The following NOX1 variants were observed in gnomAD, a reference collection of about 807,000 sequenced individuals.
The protein encoded by NOX1 is NADH/NADPH mitogenic oxidase subunit P65-MOX.
In NOX1, 34 loss-of-function variants were observed where a neutral mutation model predicts 42.5. The observed-to-expected ratio is 0.80, with a 90% CI of 0.61 to 1.07. The LOEUF is 1.07. Ranked by LOEUF, NOX1 falls within the 50% of genes least tolerant of loss-of-function variation. NOX1 has a pLI of 0.00. For missense variants in NOX1, 408 were observed against 427.0 expected (o/e 0.96, Z 0.39); for synonymous variants, 143 against 152.5 (o/e 0.94, Z 0.46).
intron 8 of NOX1, among the ~76,000 whole-genome samples, chrX:100,850,951 C>T (rs36075537): frequency 0.014 from 1,604 of 111,089 alleles, 28 homozygotes; most frequent in African/African-American, 0.049. Context: ...GCGATTCTCC[C>T]GCCTCAGCCT....
chrX:100,868,730 A>C (rs775351026), intron 2 of NOX1, among the ~76,000 whole-genome samples: 37 of 111,666 alleles, frequency 3.3e-4, no homozygotes, highest in African/African-American at 1.2e-3. Flanking sequence ...TTTTAAAAAA[A>C]AACCAAACTC....
chrX:100,856,423 G>A, intron 7 of NOX1: 1 of 468,207 alleles, frequency 2.1e-6, no homozygotes, highest in Non-Finnish European at 3.8e-6. Context: ...TTCTTCAGTG[G>A]CGTACACGGG....
At chrX:100,852,003 T>C (rs752421187) in intron 7 of NOX1, among the ~76,000 whole-genome samples, 2 of 111,754 alleles carry the variant, frequency 1.8e-5, no homozygotes, top group Non-Finnish European at 3.8e-5. Flanking sequence ...ACAGAGAAAG[T>C]AGATGTGAAA....
At chrX:100,857,284 A>G (rs2085173800) in intron 7 of NOX1, among the ~76,000 whole-genome samples, 1 of 111,843 alleles carries the variant, frequency 8.9e-6, no homozygotes, top group Non-Finnish European at 1.9e-5. Flanking sequence ...TCTACCATTG[A>G]TGGGCATTTA....
intron 2 of NOX1, among the ~76,000 whole-genome samples, chrX:100,868,914 G>C (rs2147920705): frequency 9.0e-6 from 1 of 110,722 alleles, no homozygotes; most frequent in Admixed American, 9.6e-5. Flanking sequence ...TTATTAAATA[G>C]GGAATCCTTT....
chrX:100,854,307 A>G (rs1183724749), intron 7 of NOX1, among the ~76,000 whole-genome samples: 1 of 111,923 alleles, frequency 8.9e-6, no homozygotes. Context: ...TAATTTTTAA[A>G]TGGGGTGAAT....
At position 100,849,779 on chromosome X, in the gene NOX1, G is replaced by T. The variant is rs1233203797; in HGVS notation, c.1289C>A (p.Thr430Lys). The T allele has an allele frequency of 2.1e-5, 25 of 1,197,357 alleles. No homozygotes were observed. In the Admixed American group the frequency reaches 2.8e-4, roughly 14 times the overall value. Reference sequence around the variant, plus strand: ...TGATATACGGGATTATACCTTTTTTGTTTTGAGGTTGTGGTCTGCACACTG... The same window carrying T: ...TGATATACGGGATTATACCTTTTTTTTTTTGAGGTTGTGGTCTGCACACTG... ...KFQCADHNLK[T>K]KKIYFYWICR... The change falls in exon 10 of 13, where the codon ACA (threonine) becomes AAA (lysine). Residue 430 changes from threonine to lysine, a missense_variant. Thr to Lys is a moderately conservative substitution (Grantham distance 78, BLOSUM62 -1). Coordinates refer to ENST00000372966, the MANE Select transcript of NOX1 (RefSeq NM_007052.5).
chrX:100,862,066 G>C, intron 7 of NOX1, 105 bp downstream of exon 7: 1 of 939,756 alleles, frequency 1.1e-6, no homozygotes. Context: ...ACCCAGCACA[G>C]GACTGAACTA....
At chrX:100,848,937 A>T (rs371767690) in intron 11 of NOX1, among the ~76,000 whole-genome samples, 183 bp from the exon 12 acceptor site, 1 of 111,857 alleles carries the variant, frequency 8.9e-6, no homozygotes, top group Non-Finnish European at 1.9e-5. Flanking sequence ...TTAGCTGGGC[A>T]TGGTGGCGCA....
intron 7 of NOX1, among the ~76,000 whole-genome samples, chrX:100,853,298 C>CTTTCTTTCTTTCTTTCT (rs2085135318): frequency 1.5e-5 from 1 of 66,763 alleles, no homozygotes; most frequent in African/African-American, 6.5e-5. Flanking sequence ...TTCTTTCTTT[C>CTTTCTTTCTTTCTTTCT]TTTCTTTCTT....
chrX:100,847,126 T>A (rs2085079075), intron 12 of NOX1, among the ~76,000 whole-genome samples: 1 of 110,805 alleles, frequency 9.0e-6, no homozygotes, highest in Non-Finnish European at 1.9e-5. Flanking sequence ...GAGGCGGAGG[T>A]TGCAGTGAGC....
Position 100,870,824 on chromosome X carries a change from G to GA in NOX1, c.46-11dup, listed in dbSNP as rs200177555. ...GCCCTAACCAAACAACCTAGAGAAA[G>GA]AAAAAAAAACATGCAAAGAATAAAG... is the stretch of plus-strand genomic sequence containing the variant. On this transcript the variant is annotated splice_polypyrimidine_tract_variant and intron_variant, in intron 1 of 12. Coordinates refer to ENST00000372966, the MANE Select transcript of NOX1 (RefSeq NM_007052.5). The GA allele has an allele frequency of 3.3e-3, 3,406 of 1,024,829 alleles. 8 individuals carry two copies. Among genetic ancestry groups the GA allele is most frequent in the African/African-American group, 0.02 (1,048 of 51,412 alleles). 84.5% of individuals were successfully genotyped at this position (1,024,829 alleles called of 1,213,427 possible). A position where few individuals can be genotyped will look rare whatever the true frequency, so the allele number is the denominator to read the frequency against.
chrX:100,846,703 T>C (rs770586881), intron 12 of NOX1, among the ~76,000 whole-genome samples: 2 of 112,606 alleles, frequency 1.8e-5, no homozygotes, highest in East Asian at 5.6e-4. Context: ...AACATGATAA[T>C]TAGCATCTTT....
rs752120286 is a variant in NOX1 at position 100,851,184 on chromosome X, G to A, written c.897+49C>T. 6 of 796,993 alleles carry A rather than the reference G, an allele frequency of 7.5e-6. No individual in the cohort carries two copies. In the South Asian group the frequency reaches 9.9e-5, roughly 13 times the overall value. The allele number at this position is 796,993 out of a possible 1,213,427, so 65.7% of individuals were successfully genotyped here. ...ACATAAAAATTTAGTTCTGTAGTCC[G>A]GTAGAAGATAACTCTTATCACAGCA... On this transcript the variant is annotated intron_variant, in intron 8 of 12. Transcript: ENST00000372966.
chrX:100,860,682 T>A (rs1370944616), intron 7 of NOX1, among the ~76,000 whole-genome samples: 1 of 112,026 alleles, frequency 8.9e-6, no homozygotes, highest in Admixed American at 9.5e-5. Flanking sequence ...ATTAGAAAAT[T>A]AGTCCATGCC....
chrX:100,849,199 A>G, intron 11 of NOX1, 81 bp downstream of exon 11: 1 of 1,019,216 alleles, frequency 9.8e-7, no homozygotes, highest in Non-Finnish European at 1.3e-6. Context: ...ATAAGAAATA[A>G]CTTCTAATCC....
rs776023062 is a variant in NOX1 at position 100,862,584 on chromosome X, A to G, written c.490-11T>C. On this transcript the variant is annotated splice_polypyrimidine_tract_variant and intron_variant, in intron 5 of 12. Coordinates refer to ENST00000372966, the MANE Select transcript of NOX1 (RefSeq NM_007052.5). The stretch of plus-strand genomic sequence containing the variant: ...CACATACTCCACTGTCTGTGAAAGG[A>G]GAAATGTCAGCCTGACACAATGTCC... The G allele has an allele frequency of 2.2e-5, 27 of 1,202,383 alleles. No homozygotes were observed. The highest frequency in any genetic ancestry group is 2.8e-5 in the Non-Finnish European group (25 of 890,269).
intron 7 of NOX1, among the ~76,000 whole-genome samples, chrX:100,853,811 C>T (rs1207127886): frequency 9.0e-6 from 1 of 111,232 alleles, no homozygotes; most frequent in African/African-American, 3.3e-5. Context: ...GCTGGGATTA[C>T]AGGCATGAGC....
intron 1 of NOX1, among the ~76,000 whole-genome samples, chrX:100,872,393 G>T (rs1277198451): frequency 1.8e-5 from 2 of 111,945 alleles, no homozygotes; most frequent in Admixed American, 9.5e-5. Flanking sequence ...TAGGAGTAAG[G>T]CATTCCATTC....
Sources: gnomAD v4.1 joint callset for allele counts (sites outside exome capture counted in the v4.1 genomes callset) on GRCh38, gnomAD v4.1.1 for gene constraint, MANE v1.5 for transcripts, NCBI Gene and HGNC (gene_info 2026-07-23, HGNC 2026-07-21) for gene names.